Variants in ACTN2 observed in about 807,000 individuals in gnomAD.
ACTN2 encodes the protein actinin alpha 2, also known as alpha-actinin-2.
ACTN2 carries 39 observed loss-of-function variants against 113.8 expected under a neutral mutation model. The observed-to-expected ratio is 0.34, with a 90% CI of 0.27 to 0.45. The LOEUF (loss-of-function observed/expected upper bound fraction) is 0.45. Ranked by LOEUF, ACTN2 falls within the 20% of genes least tolerant of loss-of-function variation. The pLI is 1.00. For missense variants in ACTN2, 992 were observed against 1,177.9 expected, an observed-to-expected ratio of 0.84 and a Z score of 2.31; for synonymous variants, 429 against 444.1, an observed-to-expected ratio of 0.97 and a Z score of 0.43.
At chr1:236,761,646 GCTTTT>G (rs1659713211) in intron 20 of ACTN2, among the ~76,000 whole-genome samples, 1 of 152,138 alleles carries the variant, frequency 6.6e-6, no homozygotes, top group South Asian at 2.1e-4. Context: ...AAATTGGCAA[GCTTTT>G]CATTACATGT....
At chr1:236,753,281 T>C (rs1447088934) in intron 15 of ACTN2, among the ~76,000 whole-genome samples, 1 of 152,222 alleles carries the variant, frequency 6.6e-6, no homozygotes, top group Non-Finnish European at 1.5e-5. Flanking sequence ...AATGTAGTTA[T>C]TCAAATATCT....
rs1659279364 is a variant in ACTN2, at chr1:236,747,717, T to C, written c.1457T>C (p.Ile486Thr). ...AATGTCAATGATCGGTGCCAGAAAA[T>C]TTGTGACCAGTGGGACCGACTGGGA... ...AVNVNDRCQKICDQWDRLGTL... is the reference protein window; with the variant it reads ...AVNVNDRCQKTCDQWDRLGTL... Residue 486 changes from isoleucine to threonine, a missense_variant, in exon 13 of 21, where the codon ATT (isoleucine) becomes ACT (threonine). Ile to Thr is a moderately conservative substitution (Grantham distance 89). Around this residue, in one of 3 missense-constraint regions of ACTN2, gnomAD observed 736 missense variants for 815.4 expected, o/e 0.90. Transcript: ENST00000366578. 14 of 1,614,132 alleles carry C rather than the reference T, an allele frequency of 8.7e-6. No homozygotes were observed. Among genetic ancestry groups the C allele is most frequent in the Non-Finnish European group, 9.3e-6 (11 of 1,180,010 alleles).
intron 13 of ACTN2, among the ~76,000 whole-genome samples, chr1:236,748,594 A>G (rs1192655819): frequency 1.3e-5 from 2 of 152,202 alleles, no homozygotes; most frequent in Non-Finnish European, 2.9e-5. Flanking sequence ...TTGTGCTTTC[A>G]TATGCCCAGA....
intron 13 of ACTN2, 90 bp from the exon 14 acceptor site, chr1:236,749,034 G>C: frequency 1.5e-6 from 2 of 1,361,002 alleles, no homozygotes; most frequent in South Asian, 1.2e-5. Flanking sequence ...GAATATCAGA[G>C]AATAGTCTGT....
chr1:236,718,817 G>C, intron 2 of ACTN2, 77 bp from the exon 3 acceptor site: 2 of 1,599,780 alleles, frequency 1.3e-6, no homozygotes, highest in South Asian at 1.1e-5. Flanking sequence ...AAAGATGGAT[G>C]CTTAGTTTTG....
chr1:236,744,602 A>G, intron 11 of ACTN2, 24 bp from the exon 12 acceptor site: 1 of 1,613,730 alleles, frequency 6.2e-7, no homozygotes, highest in Non-Finnish European at 8.5e-7. Context: ...GCATATTCAT[A>G]CTTTCTTGCT....
intron 9 of ACTN2, among the ~76,000 whole-genome samples, chr1:236,737,466 T>C (rs1658923387): frequency 6.6e-6 from 1 of 151,016 alleles, no homozygotes; most frequent in South Asian, 2.1e-4. Context: ...ATAGTTTGCA[T>C]GTCTGAAGAT....
rs188299133 is a variant in ACTN2 at position 236,734,386 on chromosome 1, G to C, written c.698-1249G>C. ...CTGAGGAAGTGCTTAGCAGAAGCCT[G>C]CTGGTATTAGAACATCCACGCGGTT... On this transcript the variant is annotated intron_variant, in intron 7 of 20. Coordinates refer to ENST00000366578, the MANE Select transcript of ACTN2 (RefSeq NM_001103.4). 3.7e-5 allele frequency: 51 copies of C among 1,361,764 alleles called. No individual in the cohort carries two copies. The African/African-American group carries it at 5.5e-4, about 15-fold the overall frequency. The allele number at this position is 1,361,764 out of a possible 1,614,324, so 84.4% of individuals were successfully genotyped here. A position where few individuals can be genotyped will look rare whatever the true frequency, so the allele number is the denominator to read the frequency against.
At chr1:236,758,579 G>A (rs1659617400) in intron 18 of ACTN2, among the ~76,000 whole-genome samples, 1 of 147,466 alleles carries the variant, frequency 6.8e-6, no homozygotes, top group Non-Finnish European at 1.5e-5. Flanking sequence ...GTGAGCCACC[G>A]CACCTGGCCT....
At chr1:236,759,898 G>T (rs115264842) in intron 19 of ACTN2, 109 bp downstream of exon 19, 2 of 972,408 alleles carry the variant, frequency 2.1e-6, no homozygotes, top group Admixed American at 1.8e-5. Flanking sequence ...GGATTGGTTC[G>T]TTTTCATTAT....
chr1:236,725,673 C>T (rs1658527583), intron 4 of ACTN2, among the ~76,000 whole-genome samples: 1 of 152,078 alleles, frequency 6.6e-6, no homozygotes, highest in African/African-American at 2.4e-5. Context: ...GGCGAGTCAC[C>T]AACCACCCTG....
chr1:236,753,297 G>A lies in ACTN2; in HGVS notation c.1840-650G>A, dbSNP rs188942452. On this transcript the variant is annotated intron_variant, in intron 15 of 20. Transcript: ENST00000366578. ...ATGTAGTTATTCAAATATCTTTAAA[G>A]TTATTGTCATGTATATGCTTCTTTA... Among the ~76,000 whole-genome samples, 81 of 152,322 alleles carry A rather than the reference G, an allele frequency of 5.3e-4. No homozygotes were observed. In the East Asian group the frequency reaches 0.012, roughly 23 times the overall value.
intron 1 of ACTN2, among the ~76,000 whole-genome samples, chr1:236,691,685 A>G (rs1180318897): frequency 6.6e-6 from 1 of 152,160 alleles, no homozygotes; most frequent in Non-Finnish European, 1.5e-5. Context: ...ATAAGTGTTT[A>G]CCTTTGACAC....
At chr1:236,717,091 C>T (rs1430134012) in intron 1 of ACTN2, among the ~76,000 whole-genome samples, 1 of 151,672 alleles carries the variant, frequency 6.6e-6, no homozygotes, top group Admixed American at 6.6e-5. Context: ...CTGCCTCAGC[C>T]TCCCAAAGTG....
intron 15 of ACTN2, among the ~76,000 whole-genome samples, chr1:236,753,349 C>T (rs1023782118): frequency 6.6e-6 from 1 of 152,182 alleles, no homozygotes; most frequent in African/African-American, 2.4e-5. Flanking sequence ...CAAGAACTAA[C>T]AGCAGGTCCA....
In ACTN2 at chr1:236,744,702, C is replaced by T. The variant is rs373709019; in HGVS notation, c.1332C>T (p.His444=). The T allele has an allele frequency of 8.1e-6, 13 of 1,614,046 alleles. No individual in the cohort carries two copies. The highest frequency in any genetic ancestry group is 2.2e-5 in the South Asian group (2 of 91,088). The change falls in exon 12 of 21, where the codon CAC becomes CAT. Residue 444 remains histidine, a synonymous_variant. Transcript: ENST00000366578. ...LTEVRALLRK[H]EAFESDLAAH... ...AGGTGCGGGCTCTGCTGCGGAAGCACGAGGCGTTCGAGAGCGACCTGGCAG... is the reference window on the plus strand; with the variant it reads ...AGGTGCGGGCTCTGCTGCGGAAGCATGAGGCGTTCGAGAGCGACCTGGCAG...
intron 4 of ACTN2, 32 bp downstream of exon 4, chr1:236,720,223 A>C (rs1443946506): frequency 1.3e-6 from 2 of 1,502,762 alleles, no homozygotes; most frequent in South Asian, 1.1e-5. Flanking sequence ...CTAATTGTAT[A>C]ATCTGTAAAT....
At position 236,744,711 on chromosome 1, in the gene ACTN2, C is replaced by G. The variant is rs34785693; in HGVS notation, c.1341C>G (p.Phe447Leu). The part of the protein sequence containing the change: ...VRALLRKHEA[F>L]ESDLAAHQDR... ...CTCTGCTGCGGAAGCACGAGGCGTT[C>G]GAGAGCGACCTGGCAGCGCACCAGG... is the stretch of plus-strand genomic sequence containing the variant. The change falls in exon 12 of 21, where the codon TTC (phenylalanine) becomes TTG (leucine). Residue 447 changes from phenylalanine to leucine, a missense_variant. By Grantham distance (22) the Phe-to-Leu change is conservative. Coordinates refer to ENST00000366578, the MANE Select transcript of ACTN2 (RefSeq NM_001103.4). The G allele has an allele frequency of 6.2e-7, 1 of 1,614,166 alleles. No homozygotes were observed. Among genetic ancestry groups the G allele is most frequent in the East Asian group, 2.2e-5 (1 of 44,876 alleles).
chr1:236,726,427 T>C (rs1033485740), intron 5 of ACTN2, among the ~76,000 whole-genome samples: 4 of 152,112 alleles, frequency 2.6e-5, no homozygotes. Context: ...CTGTAGGAAA[T>C]AGATCCTTCA....
Sources: allele counts gnomAD v4.1 joint callset (sites outside exome capture counted in the v4.1 genomes callset), GRCh38; gene constraint gnomAD v4.1.1; regional missense constraint gnomAD v4.1.1; transcripts MANE v1.5; gene names NCBI Gene and HGNC (gene_info 2026-07-23, HGNC 2026-07-21).